PSME3IP1: variants seen among roughly 807,000 people sequenced by gnomAD.
The protein encoded by PSME3IP1 is proteasome activator subunit 3 interacting protein 1.
A neutral mutation model predicts 34.1 loss-of-function variants in PSME3IP1; 13 were observed. The observed-to-expected ratio is 0.38, with a 90% confidence interval of 0.25 to 0.61. The LOEUF (loss-of-function observed/expected upper bound fraction) is 0.61, where lower values mean the gene tolerates loss of function less well. PSME3IP1 is among the 20% of genes least tolerant of loss of function. The pLI is 0.60. For missense variants in PSME3IP1, 237 were observed against 301.4 expected (o/e 0.79, Z 1.58); for synonymous variants, 93 against 114.3 (o/e 0.81, Z 1.19).
At position 57,183,758 on chromosome 16, in the gene PSME3IP1, C is replaced by A. The variant is rs567395983; in HGVS notation, c.-16+2063G>T. ...GATTTCATCCTGAGGACTTCTCTGA[C>A]CTAAAAGCTAAAGTTTCAGTGCCTT... On this transcript the variant is annotated intron_variant, in intron 1 of 6. Coordinates refer to ENST00000309137, the MANE Select transcript of PSME3IP1 (RefSeq NM_024946.4). 2.6e-5 allele frequency among the ~76,000 whole-genome samples: 4 copies of A among 152,330 alleles called. No homozygotes were observed. The South Asian group carries it at 8.3e-4, about 32-fold the overall frequency.
chr16:57,152,774 G>A lies in PSME3IP1; in HGVS notation c.*1516C>T, dbSNP rs2070083189. The A allele has an allele frequency of 6.5e-6, 1 of 152,674 alleles. No individual in the cohort carries two copies. The highest frequency in any genetic ancestry group is 2.4e-5 in the African/African-American group (1 of 41,448). The allele number at this position is 152,674 out of a possible 1,614,324, so 9.5% of individuals were successfully genotyped here. A position where few individuals can be genotyped will look rare whatever the true frequency, so the allele number is the denominator to read the frequency against. The stretch of plus-strand genomic sequence containing the variant: ...AGGATGGAGCTGATGCGCCCATACT[G>A]GCAGAACAATTAGCACAGAGTAGTT... On this transcript the variant is annotated 3_prime_UTR_variant, in exon 7 of 7. Coordinates refer to ENST00000309137, the MANE Select transcript of PSME3IP1 (RefSeq NM_024946.4).
At chr16:57,178,757 G>C in intron 1 of PSME3IP1, 1 of 984,978 alleles carries the variant, frequency 1.0e-6, no homozygotes, top group South Asian at 4.7e-5. Context: ...GCTACTTTCC[G>C]TTAATTTCAA....
At chr16:57,180,459 A>G (rs1309386899) in intron 1 of PSME3IP1, among the ~76,000 whole-genome samples, 1 of 151,858 alleles carries the variant, frequency 6.6e-6, no homozygotes, top group African/African-American at 2.4e-5. Flanking sequence ...CTGTGGTGAC[A>G]TGTGCCTGTA....
At chr16:57,165,065 A>T (rs1567386155) in intron 5 of PSME3IP1, among the ~76,000 whole-genome samples, 1 of 151,642 alleles carries the variant, frequency 6.6e-6, no homozygotes, top group Non-Finnish European at 1.5e-5. Context: ...AGAAAAAGAA[A>T]AGAGAATCAG....
Position 57,154,115 on chromosome 16 carries a change from C to A in PSME3IP1, c.*175G>T. On this transcript the variant is annotated 3_prime_UTR_variant, in exon 7 of 7. Coordinates refer to ENST00000309137, the MANE Select transcript of PSME3IP1 (RefSeq NM_024946.4). This position sits in a 1 kb window ranked among gnomAD's most constrained non-coding sequence, Gnocchi z 4.0. ...GTGGAGTAGAAAGAGGAACCAAACA[C>A]GATTCGGGCCACAGGTGGATTCTGG... 1.5e-5 allele frequency: 9 copies of A among 606,058 alleles called. 1 individual carries two copies. In the South Asian group the frequency reaches 1.6e-4, roughly 11 times the overall value. The allele number at this position is 606,058 out of a possible 1,614,324, so 37.5% of individuals were successfully genotyped here.
At chr16:57,167,032 C>T (rs2071960635) in intron 5 of PSME3IP1, 61 bp downstream of exon 5, 2 of 1,594,092 alleles carry the variant, frequency 1.3e-6, no homozygotes, top group Non-Finnish European at 1.7e-6. Context: ...GCTTCCATTA[C>T]AAGTGGTGTT....
chr16:57,167,747 C>A (rs2072066424), intron 4 of PSME3IP1, among the ~76,000 whole-genome samples: 1 of 152,154 alleles, frequency 6.6e-6, no homozygotes, highest in South Asian at 2.1e-4. Context: ...CAAGTCCCTC[C>A]CTGCCCCAAA....
intron 6 of PSME3IP1, among the ~76,000 whole-genome samples, chr16:57,157,449 G>A (rs1294444802): frequency 6.6e-6 from 1 of 152,120 alleles, no homozygotes; most frequent in Non-Finnish European, 1.5e-5. Context: ...TTACAATCTG[G>A]GGCAAAGTGG....
chr16:57,167,581 C>T (rs1432836644), intron 4 of PSME3IP1, among the ~76,000 whole-genome samples: 1 of 152,162 alleles, frequency 6.6e-6, no homozygotes, highest in Non-Finnish European at 1.5e-5. Context: ...ATGTGGCTTC[C>T]CTGAAAACAT....
At chr16:57,166,923 G>A (rs998666895) in intron 5 of PSME3IP1, among the ~76,000 whole-genome samples, 170 bp downstream of exon 5, 1 of 152,224 alleles carries the variant, frequency 6.6e-6, no homozygotes, top group Non-Finnish European at 1.5e-5. Flanking sequence ...AGAGACGAGG[G>A]TCAAAGCCTA....
At chr16:57,161,429 T>C (rs1353921629) in intron 6 of PSME3IP1, among the ~76,000 whole-genome samples, 1 of 152,034 alleles carries the variant, frequency 6.6e-6, no homozygotes, top group Non-Finnish European at 1.5e-5. Flanking sequence ...AATTTTATGG[T>C]ATGTGAATTA....
At chr16:57,170,483 C>T (rs1479718119) in intron 4 of PSME3IP1, among the ~76,000 whole-genome samples, 1 of 152,212 alleles carries the variant, frequency 6.6e-6, no homozygotes, top group Admixed American at 6.5e-5. Context: ...AGACGTGAAG[C>T]CTGTTGGATT....
chr16:57,160,776 G>C (rs1388665585), intron 6 of PSME3IP1, among the ~76,000 whole-genome samples: 1 of 152,226 alleles, frequency 6.6e-6, no homozygotes, highest in Non-Finnish European at 1.5e-5. Context: ...GCAATGAACA[G>C]AGTAGGTTAG....
intron 2 of PSME3IP1, among the ~76,000 whole-genome samples, chr16:57,173,155 T>C (rs1200059512): frequency 1.3e-5 from 2 of 152,188 alleles, no homozygotes; most frequent in African/African-American, 2.4e-5. Context: ...ACAGCAGCAG[T>C]GTTCTCAGTT....
chr16:57,167,387 G>A (rs60507349), intron 4 of PSME3IP1, 161 bp from the exon 5 acceptor site: 16 of 828,012 alleles, frequency 1.9e-5, no homozygotes, highest in Non-Finnish European at 2.7e-5. Context: ...AAAGATAAAT[G>A]AAAGAGACCA....
Position 57,172,687 on chromosome 16 carries a change from C to T in PSME3IP1, c.226+89G>A, listed in dbSNP as rs7192556. 8.1e-3 allele frequency: 8,180 copies of T among 1,014,276 alleles called. 397 individuals carry two copies. The African/African-American group carries it at 0.1, about 12-fold the overall frequency. 62.8% of individuals were successfully genotyped at this position (1,014,276 alleles called of 1,614,324 possible). ...AGACTCGAAAATCAAGACAATTCCACGGCTAGTTAGGAAAAGTGCTGCACA... is the reference window on the plus strand; with the variant it reads ...AGACTCGAAAATCAAGACAATTCCATGGCTAGTTAGGAAAAGTGCTGCACA... On this transcript the variant is annotated intron_variant, in intron 3 of 6. Transcript: ENST00000309137.
chr16:57,182,755 T>C (rs1475201016), intron 1 of PSME3IP1, among the ~76,000 whole-genome samples: 3 of 151,082 alleles, frequency 2.0e-5, no homozygotes, highest in Non-Finnish European at 4.4e-5. Flanking sequence ...ACTAAAAATA[T>C]GAAAATTAGC....
At chr16:57,174,437 T>C in intron 1 of PSME3IP1, 2 of 985,366 alleles carry the variant, frequency 2.0e-6, no homozygotes, top group Non-Finnish European at 2.4e-6. Flanking sequence ...ATAATTCTTA[T>C]TACCTGGTGT....
chr16:57,158,815 C>T (rs1328142136), intron 6 of PSME3IP1, among the ~76,000 whole-genome samples: 1 of 152,142 alleles, frequency 6.6e-6, no homozygotes, highest in Non-Finnish European at 1.5e-5. Context: ...GCCTACTACA[C>T]ATGTAGGCCA....
Sources: allele counts gnomAD v4.1 joint callset (sites outside exome capture counted in the v4.1 genomes callset), GRCh38; gene constraint gnomAD v4.1.1; non-coding constraint Gnocchi (gnomAD v3.1); transcripts MANE v1.5; gene names NCBI Gene and HGNC (gene_info 2026-07-23, HGNC 2026-07-21).